ANO1: variants seen among roughly 807,000 people sequenced by gnomAD.
ANO1 encodes the protein anoctamin-1.
ANO1 carries 59 observed loss-of-function variants against 124.0 expected under a neutral mutation model. That is an observed-to-expected ratio of 0.48 (90% confidence interval 0.39 to 0.59). The LOEUF (loss-of-function observed/expected upper bound fraction) is 0.59, where lower values mean the gene tolerates loss of function less well. ANO1 is among the 20% of genes least tolerant of loss of function. The pLI, the probability that ANO1 is intolerant of heterozygous loss-of-function variation, is 0.00. For missense variants in ANO1, 1,059 were observed against 1,328.0 expected (o/e 0.80, Z 3.15); for synonymous variants, 529 against 532.0 (o/e 0.99, Z 0.08).
intron 22 of ANO1, among the ~76,000 whole-genome samples, chr11:70,178,897 A>G (rs1370079635): frequency 6.6e-6 from 1 of 152,158 alleles, no homozygotes; most frequent in East Asian, 1.9e-4. Flanking sequence ...GATGATTGTG[A>G]CTGTGATCTA....
chr11:70,107,811 C>T (rs1355663884), intron 5 of ANO1, among the ~76,000 whole-genome samples: 2 of 152,234 alleles, frequency 1.3e-5, no homozygotes, highest in African/African-American at 2.4e-5. Context: ...ATCCCTTCAG[C>T]AGGGCTCTGC....
At chr11:70,168,636 G>A (rs34099135) in intron 21 of ANO1, among the ~76,000 whole-genome samples, 14,924 of 152,170 alleles carry the variant, frequency 0.098, 815 homozygotes, top group Middle Eastern at 0.2. Context: ...CCTGCAGAGG[G>A]GGGGTCCCAG....
intron 1 of ANO1, among the ~76,000 whole-genome samples, chr11:69,992,006 T>C (rs1460426428): frequency 6.6e-6 from 1 of 152,206 alleles, no homozygotes; most frequent in Non-Finnish European, 1.5e-5. Flanking sequence ...TCAGTTAATT[T>C]CGTCCACCAC....
At chr11:70,085,825 GATACACTTTGGGTTGT>G (rs1319836737) in intron 1 of ANO1, among the ~76,000 whole-genome samples, 1 of 152,256 alleles carries the variant, frequency 6.6e-6, no homozygotes, top group Non-Finnish European at 1.5e-5. Flanking sequence ...CGGCTTCCCT[GATACACTTTGGGTTGT>G]ATACAGCCCA....
At chr11:70,004,865 C>T (rs1032320465) in intron 1 of ANO1, among the ~76,000 whole-genome samples, 1 of 152,186 alleles carries the variant, frequency 6.6e-6, no homozygotes, top group Non-Finnish European at 1.5e-5. Flanking sequence ...GTAATCCCAA[C>T]ACTTTGGGAG....
intron 1 of ANO1, among the ~76,000 whole-genome samples, chr11:70,021,736 T>A (rs1177058219): frequency 6.6e-6 from 1 of 152,126 alleles, no homozygotes; most frequent in Admixed American, 6.5e-5. Context: ...GGAGCCAGGC[T>A]CTTGCCCAGG....
chr11:70,025,092 C>T (rs538649344), intron 1 of ANO1, among the ~76,000 whole-genome samples: 21 of 152,310 alleles, frequency 1.4e-4, no homozygotes, highest in African/African-American at 4.8e-4. Flanking sequence ...CAGGAAACCA[C>T]ATGGGCTGGA....
At chr11:69,973,075 A>C in the ANO1 span, among the ~76,000 whole-genome samples, 789 of 151,692 alleles carry the variant, frequency 5.2e-3, 18 homozygotes, top group African/African-American at 0.018. Context: ...ACACCCAGAT[A>C]ATTTTTGTAT....
chr11:70,064,973 A>AG (rs1555008308), intron 1 of ANO1: 1 of 152,332 alleles, frequency 6.6e-6, no homozygotes, highest in African/African-American at 2.4e-5. Flanking sequence ...CCCAGTCCTC[A>AG]ATTGGTTTCC....
In ANO1 at chr11:70,099,668, GTGGCTTCAAGCTTCT is replaced by G. The variant is rs1267348820; in HGVS notation, c.442-3393_442-3379del. On this transcript the variant is annotated intron_variant, in intron 2 of 25. Transcript: ENST00000355303. ...TCCGTGGCTCCCCAGCACTGAGGAG[GTGGCTTCAAGCTTCT>G]TGGCCGAAGGAGTCTGTGCTTGCAC... Among the ~76,000 whole-genome samples, 3 of 152,300 alleles carry G rather than the reference GTGGCTTCAAGCTTCT, an allele frequency of 2.0e-5. No individual in the cohort carries two copies. In the East Asian group the frequency reaches 5.8e-4, roughly 29 times the overall value.
chr11:70,070,062 C>G (rs1400625834), intron 1 of ANO1, among the ~76,000 whole-genome samples: 1 of 152,194 alleles, frequency 6.6e-6, no homozygotes, highest in African/African-American at 2.4e-5. Flanking sequence ...CAAAGACAGG[C>G]AGCCACTGTC....
chr11:70,101,127 C>T (rs1327345240), intron 2 of ANO1, among the ~76,000 whole-genome samples: 1 of 152,104 alleles, frequency 6.6e-6, no homozygotes, highest in East Asian at 1.9e-4. Context: ...CAAGGAGGGT[C>T]TCCCTTCCTC....
the ANO1 span, among the ~76,000 whole-genome samples, chr11:69,979,833 T>A: frequency 6.6e-6 from 1 of 152,190 alleles, no homozygotes; most frequent in South Asian, 2.1e-4. Flanking sequence ...TGCCCTTCTC[T>A]TTCTGTCTTT....
Position 70,097,506 on chromosome 11 carries a change from A to G in ANO1, c.442-5560A>G, listed in dbSNP as rs2045044688. 1.3e-5 allele frequency among the ~76,000 whole-genome samples: 2 copies of G among 152,216 alleles called. 1 individual carries two copies. The highest frequency in any genetic ancestry group is 2.9e-5 in the Non-Finnish European group (2 of 68,020). On this transcript the variant is annotated intron_variant, in intron 2 of 25. Coordinates refer to ENST00000355303, the MANE Select transcript of ANO1 (RefSeq NM_018043.7). ...AGACCCCTGCCCAGGGACTGAGAGC[A>G]TCTCCCATCTTGCCCGCGTGCCCTC...
At chr11:70,065,187 G>C (rs1200574468) in intron 1 of ANO1, 1 of 152,288 alleles carries the variant, frequency 6.6e-6, no homozygotes, top group African/African-American at 2.4e-5. Context: ...TCCAAGCCTA[G>C]GGATGGGGCT....
At chr11:69,998,989 G>A (rs1208623041) in intron 1 of ANO1, among the ~76,000 whole-genome samples, 5 of 148,700 alleles carry the variant, frequency 3.4e-5, no homozygotes, top group Non-Finnish European at 5.9e-5. Context: ...AGCCAAGATT[G>A]TACTACTGCA....
rs765478433 is a variant in ANO1, at chr11:70,132,018, C to T, written c.1197C>T (p.Arg399=). The change falls in exon 11 of 26, where the codon CGC becomes CGT. Residue 399 remains arginine (R), a synonymous_variant. Coordinates refer to ENST00000355303, the MANE Select transcript of ANO1 (RefSeq NM_018043.7). ...TGAGCTCAGCCTGCGCCACGGCCCG[C>T]GCCAGCCACCTCTTCGACAACCCCG... is the stretch of plus-strand genomic sequence containing the variant. ...WKMSSACATA[R]ASHLFDNPAT... The T allele has an allele frequency of 4.2e-5, 68 of 1,606,230 alleles. No homozygotes were observed. The highest frequency in any genetic ancestry group is 1.7e-4 in the Admixed American group (10 of 59,620).
chr11:70,051,361 A>G (rs1219712331), intron 1 of ANO1, among the ~76,000 whole-genome samples: 1 of 152,214 alleles, frequency 6.6e-6, no homozygotes, highest in Non-Finnish European at 1.5e-5. Context: ...TTTCCTGTTG[A>G]TGAGCATTTG....
At chr11:70,099,532 C>T (rs1202503403) in intron 2 of ANO1, among the ~76,000 whole-genome samples, 2 of 152,186 alleles carry the variant, frequency 1.3e-5, no homozygotes, top group African/African-American at 2.4e-5. Flanking sequence ...AAGACAGGCT[C>T]TCCCACACGT....
Sources: gnomAD v4.1 joint callset for allele counts (sites outside exome capture counted in the v4.1 genomes callset) on GRCh38, gnomAD v4.1.1 for gene constraint, MANE v1.5 for transcripts, NCBI Gene and HGNC (gene_info 2026-07-23, HGNC 2026-07-21) for gene names.